MYO1E: variants seen among roughly 807,000 people sequenced by gnomAD.
MYO1E encodes the protein myosin IE.
In MYO1E, 68 loss-of-function variants were observed where a neutral mutation model predicts 151.1. That is an observed-to-expected ratio of 0.45 (90% confidence interval 0.37 to 0.55). MYO1E has a LOEUF of 0.55. MYO1E is among the 20% of genes least tolerant of loss of function. The probability of loss-of-function intolerance (pLI) is 0.00; values close to 1 mark genes in which losing one functional copy is unlikely to be tolerated. For missense variants in MYO1E, 1,363 were observed against 1,389.3 expected (o/e 0.98, Z 0.30); for synonymous variants, 601 against 501.7 (o/e 1.20, Z -2.64).
intron 1 of MYO1E, among the ~76,000 whole-genome samples, chr15:59,298,011 T>G (rs1378646054): frequency 2.6e-5 from 4 of 152,220 alleles, no homozygotes; most frequent in Non-Finnish European, 5.9e-5. Context: ...GGCAAATAAT[T>G]TTGTGTCCTT....
chr15:59,250,271 C>G (rs1272333084), intron 4 of MYO1E, among the ~76,000 whole-genome samples: 1 of 152,182 alleles, frequency 6.6e-6, no homozygotes, highest in East Asian at 1.9e-4. Context: ...CAATTCTGAC[C>G]TCCAACTGGA....
intron 1 of MYO1E, among the ~76,000 whole-genome samples, chr15:59,308,326 A>G (rs1198495403): frequency 6.6e-6 from 1 of 150,630 alleles, no homozygotes; most frequent in East Asian, 2.0e-4. Flanking sequence ...GCCTGAGGTC[A>G]GGAGTTCGAG....
chr15:59,292,100 A>G (rs2080423099), intron 1 of MYO1E, among the ~76,000 whole-genome samples: 1 of 152,186 alleles, frequency 6.6e-6, no homozygotes, highest in South Asian at 2.1e-4. Context: ...TCCTATTGTT[A>G]AGTAAATTTT....
intron 16 of MYO1E, among the ~76,000 whole-genome samples, chr15:59,201,961 G>A (rs2079805003): frequency 6.6e-6 from 1 of 152,114 alleles, no homozygotes; most frequent in African/African-American, 2.4e-5. Flanking sequence ...CAGGTTTTTG[G>A]GCCTGGCCTG....
At chr15:59,192,249 T>C (rs1875638304) in intron 17 of MYO1E, among the ~76,000 whole-genome samples, 2 of 152,006 alleles carry the variant, frequency 1.3e-5, no homozygotes, top group African/African-American at 4.8e-5. Flanking sequence ...AACCAGTTTA[T>C]TTGAATGCAT....
Position 59,214,704 on chromosome 15 carries a change from A to G in MYO1E, c.1124T>C (p.Met375Thr). 2 of 1,613,572 alleles carry G rather than the reference A, an allele frequency of 1.2e-6. No individual in the cohort carries two copies. Among genetic ancestry groups the G allele is most frequent in the African/African-American group, 2.7e-5 (2 of 75,024 alleles). ...DFLVDSINKA[M>T]EKDHEEYNIG... ...GTTGTATTCTTCATGGTCTTTCTCC[A>G]TGGCTTTATTGATGGACTAGAGAAA... The change falls in exon 11 of 28, where the codon ATG becomes ACG. Residue 375 changes from methionine to threonine, a missense_variant. By Grantham distance (81) the Met-to-Thr change is moderately conservative. Transcript: ENST00000288235.
intron 2 of MYO1E, among the ~76,000 whole-genome samples, chr15:59,269,583 C>T (rs372150208): frequency 1.8e-4 from 28 of 152,142 alleles, no homozygotes; most frequent in Non-Finnish European, 2.9e-4. Context: ...AGCTGCTGGG[C>T]GCAGTGGCTC....
chr15:59,225,867 C>T (rs1272170694), intron 7 of MYO1E, among the ~76,000 whole-genome samples: 4 of 152,072 alleles, frequency 2.6e-5, no homozygotes, highest in East Asian at 1.9e-4. Context: ...AGGATGGTCT[C>T]GATCTCCTGA....
intron 1 of MYO1E, among the ~76,000 whole-genome samples, chr15:59,326,901 G>A (rs1158242014): frequency 6.6e-6 from 1 of 152,078 alleles, no homozygotes. Flanking sequence ...CCCTGCCCCC[G>A]ACTCTACTGT....
chr15:59,300,360 C>A (rs191553669), intron 1 of MYO1E, among the ~76,000 whole-genome samples: 251 of 152,232 alleles, frequency 1.6e-3, no homozygotes, highest in Non-Finnish European at 2.6e-3. Flanking sequence ...CACAGGCACA[C>A]ACACACGGCC....
At chr15:59,312,331 G>T (rs2080557540) in intron 1 of MYO1E, among the ~76,000 whole-genome samples, 1 of 152,152 alleles carries the variant, frequency 6.6e-6, no homozygotes, top group Non-Finnish European at 1.5e-5. Context: ...AAGATCGTGT[G>T]CACTAATCAG....
intron 1 of MYO1E, among the ~76,000 whole-genome samples, chr15:59,288,692 CA>C (rs1262539120): frequency 3.3e-5 from 5 of 152,070 alleles, no homozygotes; most frequent in Admixed American, 3.3e-4. Context: ...ATAGGAGGGA[CA>C]GGATTCAAAT....
In MYO1E at chr15:59,136,406, C is replaced by T. The variant is rs779291151; in HGVS notation, c.*974G>A. ...ATTTATTTAGGAGGTGGGGGCAGGA[C>T]GCGGAGTAAGTTTCCTATAGGGAAA... is the stretch of plus-strand genomic sequence containing the variant. On this transcript the variant is annotated 3_prime_UTR_variant, in exon 28 of 28. Coordinates refer to ENST00000288235, the MANE Select transcript of MYO1E (RefSeq NM_004998.4). 12 of 177,512 alleles carry T rather than the reference C, an allele frequency of 6.8e-5. No individual in the cohort carries two copies. The highest frequency in any genetic ancestry group is 9.5e-5 in the African/African-American group (4 of 42,324). 11.0% of individuals were successfully genotyped at this position (177,512 alleles called of 1,614,324 possible). A position where few individuals can be genotyped will look rare whatever the true frequency, so the allele number is the denominator to read the frequency against.
intron 3 of MYO1E, among the ~76,000 whole-genome samples, chr15:59,259,765 C>G (rs1248322131): frequency 2.0e-5 from 3 of 152,210 alleles, no homozygotes; most frequent in Non-Finnish European, 4.4e-5. Flanking sequence ...TATCTGTGGT[C>G]TTACTGAACC....
At chr15:59,328,899 T>C (rs1292619140) in intron 1 of MYO1E, among the ~76,000 whole-genome samples, 1 of 152,162 alleles carries the variant, frequency 6.6e-6, no homozygotes, top group African/African-American at 2.4e-5. Flanking sequence ...GGCATTATCA[T>C]CACAATTTAC....
intron 1 of MYO1E, among the ~76,000 whole-genome samples, chr15:59,308,402 T>C (rs1185236362): frequency 6.6e-6 from 1 of 151,590 alleles, no homozygotes; most frequent in Non-Finnish European, 1.5e-5. Context: ...CTGGGCACAA[T>C]GGCTCACGCC....
chr15:59,137,336 G>C lies in MYO1E; in HGVS notation c.*44C>G. The stretch of plus-strand genomic sequence containing the variant: ...CCCTAAATATCCCCTCCCCTGGTCT[G>C]TGCCTGGAGCTCCTCTGCCCCATGT... On this transcript the variant is annotated 3_prime_UTR_variant, in exon 28 of 28. Transcript: ENST00000288235. 6.4e-7 allele frequency: 1 copy of C among 1,551,216 alleles called. No individual in the cohort carries two copies. Among genetic ancestry groups the C allele is most frequent in the Non-Finnish European group, 8.9e-7 (1 of 1,122,924 alleles).
chr15:59,327,827 T>C (rs1195492917), intron 1 of MYO1E, among the ~76,000 whole-genome samples: 6 of 152,176 alleles, frequency 3.9e-5, no homozygotes, highest in Non-Finnish European at 5.9e-5. Context: ...TGACAACTTG[T>C]ACATGAAGGG....
intron 8 of MYO1E, among the ~76,000 whole-genome samples, chr15:59,223,490 T>C (rs2079969230): frequency 1.3e-5 from 2 of 152,132 alleles, no homozygotes; most frequent in South Asian, 4.1e-4. Context: ...TAGCATGCCA[T>C]CCTCCAGGAA....
Sources: allele counts gnomAD v4.1 joint callset (sites outside exome capture counted in the v4.1 genomes callset), GRCh38; gene constraint gnomAD v4.1.1; transcripts MANE v1.5; gene names NCBI Gene and HGNC (gene_info 2026-07-23, HGNC 2026-07-21).